LPIN1: variants seen among roughly 807,000 people sequenced by gnomAD.
LPIN1 encodes the protein lipin 1.
Under a neutral mutation model 107.5 loss-of-function variants are expected in LPIN1, and 71 were observed. The observed-to-expected ratio is 0.66, with a 90% CI of 0.55 to 0.80. The LOEUF is 0.80. Among genes scored for constraint, LPIN1 ranks in the 30% least tolerant of loss-of-function variants. LPIN1 has a pLI of 0.00. For missense variants in LPIN1, 1,043 were observed against 1,160.6 expected (o/e 0.90, Z 1.47); for synonymous variants, 445 against 452.6 (o/e 0.98, Z 0.21).
intron 1 of LPIN1, among the ~76,000 whole-genome samples, chr2:11,680,828 G>A (rs78797797): frequency 0.059 from 8,945 of 152,240 alleles, 386 homozygotes; most frequent in Middle Eastern, 0.12. Context: ...AGGCAGTCAC[G>A]GGCCGAATAT....
intron 7 of LPIN1, among the ~76,000 whole-genome samples, chr2:11,780,316 G>A (rs1673376751): frequency 6.6e-6 from 1 of 152,236 alleles, no homozygotes; most frequent in South Asian, 2.1e-4. Flanking sequence ...GATGAGTGGA[G>A]CAAAGCCACA....
At chr2:11,781,090 A>T (rs955424202) in intron 7 of LPIN1, among the ~76,000 whole-genome samples, 1 of 152,238 alleles carries the variant, frequency 6.6e-6, no homozygotes, top group African/African-American at 2.4e-5. Flanking sequence ...AGCCTCTTGC[A>T]TCCCCAATAA....
chr2:11,791,802 C>T (rs994691902), intron 12 of LPIN1, 112 bp from the exon 13 acceptor site: 3 of 1,516,090 alleles, frequency 2.0e-6, no homozygotes, highest in Non-Finnish European at 2.7e-6. Context: ...TGTGTTTTCT[C>T]TGATTTTTTT....
At chr2:11,759,137 C>CT (rs757734302) in intron 1 of LPIN1, among the ~76,000 whole-genome samples, 35 of 39,658 alleles carry the variant, frequency 8.8e-4, no homozygotes, top group Admixed American at 2.2e-3. Flanking sequence ...TCTTTCTTTT[C>CT]TTTCTTTCTT....
intron 2 of LPIN1, among the ~76,000 whole-genome samples, chr2:11,714,402 G>C (rs1663598592): frequency 6.6e-6 from 1 of 152,116 alleles, no homozygotes; most frequent in Non-Finnish European, 1.5e-5. Context: ...TAGACCCCAT[G>C]TTCCACAGCC....
At chr2:11,815,863 A>C (rs993998926) in intron 18 of LPIN1, among the ~76,000 whole-genome samples, 2 of 152,090 alleles carry the variant, frequency 1.3e-5, no homozygotes, top group Non-Finnish European at 2.9e-5. Flanking sequence ...GCTAAGCCAG[A>C]CTAACTCTGG....
At chr2:11,695,426 A>AG (rs1662522170) in intron 1 of LPIN1, among the ~76,000 whole-genome samples, 1 of 152,102 alleles carries the variant, frequency 6.6e-6, no homozygotes, top group African/African-American at 2.4e-5. Flanking sequence ...AAGGAGTTGC[A>AG]GGGGGAGGAA....
At chr2:11,728,801 A>C (rs1264474001) in intron 1 of LPIN1, among the ~76,000 whole-genome samples, 1 of 151,960 alleles carries the variant, frequency 6.6e-6, no homozygotes, top group African/African-American at 2.4e-5. Flanking sequence ...TATATCTCTT[A>C]AATACTTTTT....
chr2:11,784,147 T>C, intron 9 of LPIN1: 4 of 804,122 alleles, frequency 5.0e-6, no homozygotes, highest in Non-Finnish European at 7.1e-6. Context: ...CTACTGAAAA[T>C]ACCAAAATTG....
chr2:11,779,441 T>C, intron 6 of LPIN1, 78 bp from the exon 7 acceptor site: 1 of 1,494,412 alleles, frequency 6.7e-7, no homozygotes, highest in East Asian at 2.3e-5. Flanking sequence ...CTGGGCTATT[T>C]GAGCCATGGA....
At chr2:11,764,074 G>GTATATA (rs1337586691) in intron 1 of LPIN1, 15 of 75,696 alleles carry the variant, frequency 2.0e-4, no homozygotes, top group Admixed American at 2.4e-4. Context: ...GTGTGTGTGT[G>GTATATA]TGTGTATATA....
In LPIN1 at chr2:11,782,525, TC is replaced by T. The variant is rs758047449; in HGVS notation, c.1264+21del. On this transcript the variant is annotated intron_variant, in intron 8 of 20. Transcript: ENST00000674199. ...GAAAAGAGGTACCAAGGCTGGGGCT[TC>T]CCGGCTCTTTTTCTGTTCATAGTTT... 1 of 1,613,394 alleles carries T rather than the reference TC, an allele frequency of 6.2e-7. No individual in the cohort carries two copies. Among genetic ancestry groups the T allele is most frequent in the Non-Finnish European group, 8.5e-7 (1 of 1,180,020 alleles).
At chr2:11,681,672 C>T (rs576966017) in intron 1 of LPIN1, among the ~76,000 whole-genome samples, 1 of 152,306 alleles carries the variant, frequency 6.6e-6, no homozygotes, top group Non-Finnish European at 1.5e-5. Context: ...CCCGTGCTGC[C>T]CCTGGGACGT....
In LPIN1 at chr2:11,803,945, G is replaced by A. The variant is rs533888009; in HGVS notation, c.2014-478G>A. Reference sequence around the variant, plus strand: ...ACCAAGACTTCTCTTTTTCCAATTCGTGTCAGTATAATAATAATTTAAAAA... The same window carrying A: ...ACCAAGACTTCTCTTTTTCCAATTCATGTCAGTATAATAATAATTTAAAAA... On this transcript the variant is annotated intron_variant, in intron 15 of 20. Coordinates refer to ENST00000674199, the MANE Select transcript of LPIN1 (RefSeq NM_001349206.2). The surrounding 1 kb of genome is among the most constrained non-coding windows in gnomAD (Gnocchi z 4.2). Among the ~76,000 whole-genome samples the A allele has an allele frequency of 6.2e-4, 95 of 152,206 alleles. No individual in the cohort carries two copies. The highest frequency in any genetic ancestry group is 1.2e-3 in the South Asian group (6 of 4,820).
At chr2:11,788,482 G>C (rs1675062896) in intron 12 of LPIN1, 26 bp downstream of exon 12, 2 of 1,570,076 alleles carry the variant, frequency 1.3e-6, no homozygotes, top group Non-Finnish European at 1.8e-6. Flanking sequence ...AGAAAGAAAA[G>C]GGGATGCTAG....
At chr2:11,784,610 A>G in intron 9 of LPIN1, 1 of 517,332 alleles carries the variant, frequency 1.9e-6, no homozygotes, top group Non-Finnish European at 3.4e-6. Flanking sequence ...CCTGGAGGGG[A>G]AGGGCAGGGA....
At chr2:11,683,817 A>C (rs1234946798) in intron 1 of LPIN1, among the ~76,000 whole-genome samples, 1 of 152,200 alleles carries the variant, frequency 6.6e-6, no homozygotes, top group African/African-American at 2.4e-5. Context: ...AGGCTTTGTC[A>C]TCCAGGTGCC....
intron 1 of LPIN1, among the ~76,000 whole-genome samples, chr2:11,709,116 C>A (rs1471429669): frequency 1.3e-5 from 2 of 152,278 alleles, no homozygotes; most frequent in South Asian, 4.1e-4. Context: ...ATCAGATTTG[C>A]CAGAACTGTC....
intron 1 of LPIN1, among the ~76,000 whole-genome samples, chr2:11,709,792 C>T (rs1276469097): frequency 1.3e-5 from 2 of 152,242 alleles, no homozygotes; most frequent in Non-Finnish European, 2.9e-5. Flanking sequence ...TCTGAATTCT[C>T]TCTTTTCCTT....
Sources: gnomAD v4.1 joint callset for allele counts (sites outside exome capture counted in the v4.1 genomes callset) on GRCh38, gnomAD v4.1.1 for gene constraint, Gnocchi (gnomAD v3.1) non-coding constraint, MANE v1.5 for transcripts, NCBI Gene and HGNC (gene_info 2026-07-23, HGNC 2026-07-21) for gene names.